Variants in OTOF observed in about 807,000 individuals in gnomAD.
The protein encoded by OTOF is otoferlin.
A neutral mutation model predicts 236.8 loss-of-function variants in OTOF; 218 were observed. The observed-to-expected ratio is 0.92, with a 90% CI of 0.82 to 1.03. The LOEUF (loss-of-function observed/expected upper bound fraction) is 1.03. Among genes scored for constraint, OTOF ranks in the 50% least tolerant of loss-of-function variants. The pLI is 0.00. For missense variants in OTOF, 2,590 were observed against 2,694.4 expected, an observed-to-expected ratio of 0.96 and a Z score of 0.86; for synonymous variants, 1,041 against 1,072.5, an observed-to-expected ratio of 0.97 and a Z score of 0.57.
In OTOF at chr2:26,484,776, C is replaced by T. The variant is rs1035233649; in HGVS notation, c.1046-143G>A. 5 of 797,792 alleles carry T rather than the reference C, an allele frequency of 6.3e-6. No individual in the cohort carries two copies. The African/African-American group carries it at 6.8e-5, about 11-fold the overall frequency. The allele number at this position is 797,792 out of a possible 1,614,324, so 49.4% of individuals were successfully genotyped here. ...GACCTGGGGCCACAGCTCTGCCTGT[C>T]CCTAGCCCAGGGTGTGATAGAGTCT... On this transcript the variant is annotated intron_variant, in intron 11 of 46. Coordinates refer to ENST00000272371, the MANE Select transcript of OTOF (RefSeq NM_194248.3).
intron 2 of OTOF, among the ~76,000 whole-genome samples, chr2:26,530,905 G>T (rs925865766): frequency 4.6e-5 from 7 of 152,162 alleles, no homozygotes; most frequent in Non-Finnish European, 7.4e-5. Context: ...GGGCCTCTTG[G>T]CTGGAGGGAA....
At chr2:26,474,203 G>A (rs941759202) in intron 26 of OTOF, 93 bp from the exon 27 acceptor site, 2 of 1,555,890 alleles carry the variant, frequency 1.3e-6, no homozygotes, top group African/African-American at 2.7e-5. Flanking sequence ...GGGAGACAGG[G>A]AAACCCCCTA....
At chr2:26,527,517 C>T (rs1203601345) in intron 3 of OTOF, among the ~76,000 whole-genome samples, 1 of 152,156 alleles carries the variant, frequency 6.6e-6, no homozygotes, top group Non-Finnish European at 1.5e-5. Flanking sequence ...CCCAGCGTGG[C>T]ATTGAGGGAG....
chr2:26,552,691 C>T (rs1272046154), intron 1 of OTOF, among the ~76,000 whole-genome samples: 1 of 151,778 alleles, frequency 6.6e-6, no homozygotes, highest in Non-Finnish European at 1.5e-5. Flanking sequence ...ACATTCACTA[C>T]GTGGGGCATT....
At chr2:26,497,489 A>G (rs1238942051) in intron 8 of OTOF, among the ~76,000 whole-genome samples, 1 of 152,182 alleles carries the variant, frequency 6.6e-6, no homozygotes, top group Non-Finnish European at 1.5e-5. Context: ...TCTAAATACG[A>G]CTTTACTTGA....
At chr2:26,484,775 TC>T in intron 11 of OTOF, 142 bp from the exon 12 acceptor site, 1 of 798,808 alleles carries the variant, frequency 1.3e-6, no homozygotes. Context: ...GCTCTGCCTG[TC>T]CCTAGCCCAG....
intron 24 of OTOF, 66 bp downstream of exon 24, chr2:26,475,848 C>A (rs1665231129): frequency 1.3e-6 from 2 of 1,546,528 alleles, no homozygotes; most frequent in Admixed American, 1.9e-5. Flanking sequence ...AGGCTCCAGT[C>A]CCCACAGGCT....
intron 5 of OTOF, among the ~76,000 whole-genome samples, chr2:26,511,273 C>T (rs998746594): frequency 1.3e-5 from 2 of 152,076 alleles, no homozygotes; most frequent in African/African-American, 2.4e-5. Flanking sequence ...GCTGGGGGTC[C>T]TGCTATGGAG....
At position 26,475,930 on chromosome 2, in the gene OTOF, T is replaced by C; in HGVS notation, c.2975A>G (p.Gln992Arg). The C allele has an allele frequency of 1.2e-6, 2 of 1,609,460 alleles. No homozygotes were observed. Among genetic ancestry groups the C allele is most frequent in the South Asian group, 2.2e-5 (2 of 90,282 alleles). ...DPFARVFFIN[Q>R]SQCTEVLNET... Reference sequence around the variant, plus strand: ...GGCCCTCACCTCTGTGCACTGACTCTGATTGATGAAGAAGACGCGGGCAAA... The same window carrying C: ...GGCCCTCACCTCTGTGCACTGACTCCGATTGATGAAGAAGACGCGGGCAAA... Residue 992 changes from glutamine to arginine, a missense_variant, in exon 24 of 47, where the codon CAG (glutamine) becomes CGG (arginine). Physicochemically the swap from Gln to Arg is conservative, Grantham distance 43. This residue lies in a region of OTOF where 1,379 missense variants were observed against 1,341.6 expected (regional missense o/e 1.03). Coordinates refer to ENST00000272371, the MANE Select transcript of OTOF (RefSeq NM_194248.3).
At position 26,553,354 on chromosome 2, in the gene OTOF, C is replaced by T. The variant is rs542574962; in HGVS notation, c.79+5139G>A. 2.2e-3 allele frequency among the ~76,000 whole-genome samples: 331 copies of T among 152,324 alleles called. 1 individual carries two copies. Among genetic ancestry groups the T allele is most frequent in the Non-Finnish European group, 3.9e-3 (264 of 68,030 alleles). On this transcript the variant is annotated intron_variant, in intron 1 of 46. Transcript: ENST00000272371. The stretch of plus-strand genomic sequence containing the variant: ...CTTCACCTTCCTCCATCACCAATTC[C>T]TCACTTCCTGCATCTCCATAGGTAC...
rs771508383 is a variant in OTOF, at chr2:26,473,526, C to T, written c.3450G>A (p.Leu1150=). 6.2e-7 allele frequency: 1 copy of T among 1,612,092 alleles called. No individual in the cohort carries two copies. The highest frequency in any genetic ancestry group is 1.1e-5 in the South Asian group (1 of 91,044). Residue 1150 remains leucine, a synonymous_variant, in exon 28 of 47, where the codon CTG becomes CTA. Coordinates refer to ENST00000272371, the MANE Select transcript of OTOF (RefSeq NM_194248.3). The surrounding 1 kb of genome is among the most constrained non-coding windows in gnomAD (Gnocchi z 7.2). The stretch of plus-strand genomic sequence containing the variant: ...CCACCCGTGGCCGGTCCACCTGGGC[C>T]AGGTTCACCCGCTTTAGGTCCCGTA... ...WGLRDLKRVN[L]AQVDRPRVDI...
intron 5 of OTOF, among the ~76,000 whole-genome samples, chr2:26,508,048 GGATT>G (rs980094635): frequency 4.1e-4 from 63 of 152,268 alleles, no homozygotes; most frequent in African/African-American, 1.4e-3. Context: ...TCAGGTCTCT[GGATT>G]ATTCTGAAAG....
At chr2:26,543,848 C>A (rs1227462378) in intron 1 of OTOF, among the ~76,000 whole-genome samples, 2 of 152,218 alleles carry the variant, frequency 1.3e-5, no homozygotes, top group Non-Finnish European at 2.9e-5. Context: ...TCCTAAGTAG[C>A]TGGAATTACA....
intron 6 of OTOF, among the ~76,000 whole-genome samples, chr2:26,503,416 G>A (rs768169707): frequency 3.9e-5 from 6 of 152,244 alleles, no homozygotes; most frequent in Non-Finnish European, 8.8e-5. Context: ...CGCCGACCCC[G>A]TACTAGTGGG....
At chr2:26,514,198 C>G (rs1221490142) in intron 5 of OTOF, among the ~76,000 whole-genome samples, 1 of 152,272 alleles carries the variant, frequency 6.6e-6, no homozygotes, top group Non-Finnish European at 1.5e-5. Context: ...GCTGGCAGCC[C>G]CAGTGGCAGC....
At chr2:26,520,788 G>A (rs10495760) in intron 3 of OTOF, among the ~76,000 whole-genome samples, 53,106 of 152,124 alleles carry the variant, frequency 0.35, 11,410 homozygotes, top group Admixed American at 0.5. Context: ...CATTCTAACA[G>A]TAGACCACGG....
At chr2:26,542,318 GT>G (rs1241289775) in intron 1 of OTOF, among the ~76,000 whole-genome samples, 1 of 152,214 alleles carries the variant, frequency 6.6e-6, no homozygotes, top group Non-Finnish European at 1.5e-5. Context: ...CTCCTGGCTT[GT>G]GTGCCATTTG....
intron 39 of OTOF, among the ~76,000 whole-genome samples, 161 bp from the exon 40 acceptor site, chr2:26,464,267 G>T (rs371059357): frequency 2.0e-3 from 304 of 152,220 alleles, no homozygotes; most frequent in African/African-American, 7.0e-3. Flanking sequence ...AGGAGAAGTG[G>T]CTTGCCCAGG....
Position 26,465,656 on chromosome 2 carries a change from C to T in OTOF, c.4799+16G>A, listed in dbSNP as rs60083916. On this transcript the variant is annotated intron_variant, in intron 38 of 46. Coordinates refer to ENST00000272371, the MANE Select transcript of OTOF (RefSeq NM_194248.3). Reference sequence around the variant, plus strand: ...CAGGCACACTGCCCCCGCCCTCTGCCCCATGCCCCACATACGTGGAGTAGG... The same window carrying T: ...CAGGCACACTGCCCCCGCCCTCTGCTCCATGCCCCACATACGTGGAGTAGG... 6,214 of 1,613,758 alleles carry T rather than the reference C, an allele frequency of 3.9e-3. 96 individuals are homozygous for T. In the African/African-American group the frequency reaches 0.05, roughly 13 times the overall value.
Sources: allele counts gnomAD v4.1 joint callset (sites outside exome capture counted in the v4.1 genomes callset), GRCh38; gene constraint gnomAD v4.1.1; regional missense constraint gnomAD v4.1.1; non-coding constraint Gnocchi (gnomAD v3.1); transcripts MANE v1.5; gene names NCBI Gene and HGNC (gene_info 2026-07-23, HGNC 2026-07-21).